Variants in NKAIN2 observed in about 807,000 individuals in gnomAD.
NKAIN2 encodes sodium/potassium transporting ATPase interacting 2, also known as sodium/potassium-transporting ATPase subunit beta-1-interacting protein 2.
NKAIN2 carries 14 observed loss-of-function variants against 32.6 expected under a neutral mutation model. That is an observed-to-expected ratio of 0.43 (90% CI 0.28 to 0.67). The LOEUF is 0.67. Among genes scored for constraint, NKAIN2 ranks in the 30% least tolerant of loss-of-function variants. NKAIN2 has a pLI of 0.17. For synonymous variants in NKAIN2, 80 were observed against 87.2 expected, an observed-to-expected ratio of 0.92 and a Z score of 0.46; for missense variants, 198 against 258.3, an observed-to-expected ratio of 0.77 and a Z score of 1.60.
intron 1 of NKAIN2, among the ~76,000 whole-genome samples, chr6:123,960,015 G>T (rs1777775649): frequency 6.6e-6 from 1 of 151,350 alleles, no homozygotes; most frequent in South Asian, 2.1e-4. Flanking sequence ...TAGGAAATGA[G>T]AACTTTTGCC....
intron 1 of NKAIN2, among the ~76,000 whole-genome samples, chr6:124,194,009 A>G (rs557296553): frequency 6.6e-6 from 1 of 152,144 alleles, no homozygotes; most frequent in South Asian, 2.1e-4. Context: ...ATACTCTTGC[A>G]GGCAAGTCGT....
At chr6:124,196,468 T>C (rs1240395259) in intron 1 of NKAIN2, among the ~76,000 whole-genome samples, 1 of 152,094 alleles carries the variant, frequency 6.6e-6, no homozygotes, top group Non-Finnish European at 1.5e-5. Context: ...ATTATAGTCA[T>C]CATTTAAACA....
chr6:124,612,184 T>C (rs1782715026), intron 3 of NKAIN2, among the ~76,000 whole-genome samples: 1 of 151,844 alleles, frequency 6.6e-6, no homozygotes, highest in South Asian at 2.1e-4. Flanking sequence ...TCACTCTATG[T>C]TTTTGGAATA....
intron 1 of NKAIN2, among the ~76,000 whole-genome samples, chr6:123,880,162 A>G (rs1205548155): frequency 6.6e-6 from 1 of 152,198 alleles, no homozygotes; most frequent in Non-Finnish European, 1.5e-5. Flanking sequence ...GGACTAGAGC[A>G]TGGATCATTA....
intron 1 of NKAIN2, among the ~76,000 whole-genome samples, chr6:123,994,578 A>G (rs577743900): frequency 9.5e-4 from 145 of 152,204 alleles, no homozygotes; most frequent in African/African-American, 3.4e-3. Flanking sequence ...GAAAAGCATA[A>G]TCTAGTAGTT....
chr6:123,892,760 A>G (rs866043160), intron 1 of NKAIN2, among the ~76,000 whole-genome samples: 14 of 151,672 alleles, frequency 9.2e-5, no homozygotes, highest in African/African-American at 3.4e-4. Flanking sequence ...CTTTGTGGGA[A>G]GTGGTCATAC....
At chr6:124,765,446 G>T (rs111344321) in intron 4 of NKAIN2, among the ~76,000 whole-genome samples, 2 of 152,138 alleles carry the variant, frequency 1.3e-5, no homozygotes, top group South Asian at 4.1e-4. Flanking sequence ...TCAAGCTGCC[G>T]CACAGCACTT....
chr6:123,923,368 C>G (rs1272476500), intron 1 of NKAIN2, among the ~76,000 whole-genome samples: 2 of 148,176 alleles, frequency 1.3e-5, no homozygotes, highest in Non-Finnish European at 3.0e-5. Context: ...TTTTTTTTGG[C>G]AGGAGTGGGG....
chr6:124,654,840 A>G (rs936798029), intron 3 of NKAIN2, among the ~76,000 whole-genome samples: 1 of 152,170 alleles, frequency 6.6e-6, no homozygotes, highest in African/African-American at 2.4e-5. Flanking sequence ...CATGCAATGG[A>G]TCCTTCTTCA....
At chr6:124,368,696 A>C (rs1261965716) in intron 3 of NKAIN2, among the ~76,000 whole-genome samples, 1 of 152,180 alleles carries the variant, frequency 6.6e-6, no homozygotes, top group East Asian at 1.9e-4. Flanking sequence ...AGCTGTCTTC[A>C]CAAGATGATC....
chr6:124,059,180 T>C (rs557903323), intron 1 of NKAIN2, among the ~76,000 whole-genome samples: 1 of 152,272 alleles, frequency 6.6e-6, no homozygotes, highest in East Asian at 1.9e-4. Flanking sequence ...TCTTACGTTT[T>C]ATCTCCTTGT....
intron 1 of NKAIN2, among the ~76,000 whole-genome samples, chr6:124,056,649 G>A (rs1422297984): frequency 1.3e-5 from 2 of 151,978 alleles, no homozygotes; most frequent in African/African-American, 4.8e-5. Context: ...GCTACACGTT[G>A]CCACTTTAAA....
At chr6:124,197,837 GTT>G (rs71541243) in intron 1 of NKAIN2, among the ~76,000 whole-genome samples, 16,394 of 94,634 alleles carry the variant, frequency 0.17, 1,094 homozygotes, top group Admixed American at 0.2. Flanking sequence ...CCTGTGTCTG[GTT>G]TTTTTTTTTT....
intron 3 of NKAIN2, among the ~76,000 whole-genome samples, chr6:124,394,055 G>T (rs1773255487): frequency 6.6e-6 from 1 of 152,128 alleles, no homozygotes; most frequent in Non-Finnish European, 1.5e-5. Context: ...ACCTAAGAGT[G>T]TCTGCAGAGA....
At chr6:124,407,736 G>T (rs1403793807) in intron 3 of NKAIN2, among the ~76,000 whole-genome samples, 2 of 151,636 alleles carry the variant, frequency 1.3e-5, no homozygotes, top group Non-Finnish European at 2.9e-5. Context: ...GGGTCAAATG[G>T]TACTTCTAGT....
At chr6:124,219,233 C>T (rs919488927) in intron 1 of NKAIN2, among the ~76,000 whole-genome samples, 2 of 151,886 alleles carry the variant, frequency 1.3e-5, no homozygotes, top group African/African-American at 4.8e-5. Context: ...TATTTATTAA[C>T]TCATTGAGCA....
At chr6:123,824,751 A>G (rs1378248464) in intron 1 of NKAIN2, among the ~76,000 whole-genome samples, 2 of 152,050 alleles carry the variant, frequency 1.3e-5, no homozygotes, top group Non-Finnish European at 1.5e-5. Flanking sequence ...AAGAAAAAGA[A>G]AAAACAATTA....
chr6:124,251,577 T>A (rs1328581234), intron 1 of NKAIN2, among the ~76,000 whole-genome samples: 1 of 151,986 alleles, frequency 6.6e-6, no homozygotes, highest in Non-Finnish European at 1.5e-5. Context: ...TCAAAATTAT[T>A]AATAATTATC....
chr6:124,226,914 C>T (rs1295754974), intron 1 of NKAIN2, among the ~76,000 whole-genome samples: 1 of 152,030 alleles, frequency 6.6e-6, no homozygotes, highest in South Asian at 2.1e-4. Flanking sequence ...AAGCACTTAA[C>T]AGATTTCTTT....
Sources: gnomAD v4.1 joint callset for allele counts (sites outside exome capture counted in the v4.1 genomes callset) on GRCh38, gnomAD v4.1.1 for gene constraint, MANE v1.5 for transcripts, NCBI Gene and HGNC (gene_info 2026-07-23, HGNC 2026-07-21) for gene names.